The following SF3A3 variants were observed in gnomAD, a reference collection of about 807,000 sequenced individuals.
SF3A3 encodes SAP 61.
SF3A3 carries 9 observed loss-of-function variants against 85.8 expected under a neutral mutation model. The ratio of observed to expected loss-of-function variants is 0.10; its 90% CI spans 0.06 to 0.18. The LOEUF is 0.18. Ranked by LOEUF, SF3A3 falls within the 10% of genes least tolerant of loss-of-function variation. The pLI, the probability that SF3A3 is intolerant of heterozygous loss-of-function variation, is 1.00. For synonymous variants in SF3A3, 195 were observed against 204.4 expected (o/e 0.95, Z 0.39); for missense variants, 306 against 593.3 (o/e 0.52, Z 5.03).
intron 15 of SF3A3, among the ~76,000 whole-genome samples, chr1:37,965,354 G>A (rs1424034828): frequency 1.5e-4 from 4 of 26,024 alleles, no homozygotes; most frequent in African/African-American, 1.4e-3. Context: ...TAAAGCACTT[G>A]CTTTCTTTGT....
intron 12 of SF3A3, among the ~76,000 whole-genome samples, chr1:37,972,316 T>G (rs1227086443): frequency 6.6e-6 from 1 of 152,176 alleles, no homozygotes; most frequent in Admixed American, 6.5e-5. Context: ...GAAGGACCTC[T>G]TCAAGGAGAA....
intron 14 of SF3A3, 70 bp downstream of exon 14, chr1:37,969,284 C>A: frequency 8.6e-7 from 1 of 1,160,372 alleles, no homozygotes; most frequent in South Asian, 1.2e-5. Flanking sequence ...ATAGGCTGCT[C>A]CTACTCTTTT....
chr1:37,978,687 G>T, intron 11 of SF3A3, 33 bp downstream of exon 11: 1 of 1,375,816 alleles, frequency 7.3e-7, no homozygotes, highest in Non-Finnish European at 1.0e-6. Context: ...ACATTTAAAA[G>T]CCACAAGCAG....
intron 7 of SF3A3, among the ~76,000 whole-genome samples, chr1:37,981,314 G>A (rs11210825): frequency 0.35 from 52,858 of 152,034 alleles, 10,732 homozygotes; most frequent in Non-Finnish European, 0.45. Context: ...GAAAAAGAGG[G>A]GAAGGGTATA....
chr1:37,962,329 C>T (rs756971179), intron 15 of SF3A3, among the ~76,000 whole-genome samples: 20 of 123,956 alleles, frequency 1.6e-4, no homozygotes, highest in Admixed American at 2.7e-4. Flanking sequence ...AAAGGCTGGG[C>T]GCGGTGGCTC....
intron 11 of SF3A3, among the ~76,000 whole-genome samples, chr1:37,977,483 C>T (rs551446872): frequency 5.9e-5 from 9 of 151,916 alleles, no homozygotes; most frequent in Non-Finnish European, 1.3e-4. Context: ...CTGGCGATCA[C>T]TTGAGGTTGG....
chr1:37,961,112 C>T (rs1264609462), intron 15 of SF3A3, among the ~76,000 whole-genome samples: 1 of 152,124 alleles, frequency 6.6e-6, no homozygotes, highest in East Asian at 1.9e-4. Context: ...CCACCTTTCC[C>T]ATCAAGCAGA....
intron 9 of SF3A3, chr1:37,979,263 C>CATTAAGCCGTAGTAAA: frequency 1.6e-6 from 1 of 621,430 alleles, no homozygotes; most frequent in Non-Finnish European, 2.9e-6. Context: ...TACTTTACTA[C>CATTAAGCCGTAGTAAA]GGCTTAATGT....
chr1:37,975,331 C>T (rs1646372046), intron 12 of SF3A3, among the ~76,000 whole-genome samples: 1 of 152,016 alleles, frequency 6.6e-6, no homozygotes, highest in South Asian at 2.1e-4. Context: ...GCCTGGCCAA[C>T]AAGACAAAAC....
intron 15 of SF3A3, among the ~76,000 whole-genome samples, chr1:37,966,146 T>G (rs1646298232): frequency 6.6e-6 from 1 of 151,832 alleles, no homozygotes; most frequent in Admixed American, 6.6e-5. Context: ...GAGGTTGCAG[T>G]GAGCTGAGAT....
chr1:37,963,391 T>C (rs1280276750), intron 15 of SF3A3, among the ~76,000 whole-genome samples: 1 of 152,042 alleles, frequency 6.6e-6, no homozygotes, highest in Non-Finnish European at 1.5e-5. Flanking sequence ...AAATGCTATG[T>C]GGTGAACCTA....
intron 11 of SF3A3, among the ~76,000 whole-genome samples, chr1:37,978,295 C>T (rs1646393649): frequency 6.8e-6 from 1 of 146,766 alleles, no homozygotes; most frequent in Admixed American, 6.8e-5. Context: ...GCTGAGATTG[C>T]ACCACTGCAC....
chr1:37,974,772 A>G (rs1300829320), intron 12 of SF3A3, among the ~76,000 whole-genome samples: 2 of 152,208 alleles, frequency 1.3e-5, no homozygotes, highest in East Asian at 1.9e-4. Context: ...CAAATTTCCA[A>G]CATAACTCTC....
At chr1:37,986,999 C>T (rs1646462032) in intron 4 of SF3A3, among the ~76,000 whole-genome samples, 1 of 152,090 alleles carries the variant, frequency 6.6e-6, no homozygotes, top group Non-Finnish European at 1.5e-5. Context: ...TCAGAGGAGT[C>T]TCAGAGTGGA....
intron 16 of SF3A3, 34 bp downstream of exon 16, chr1:37,960,086 C>T (rs1646246878): frequency 6.3e-7 from 1 of 1,589,638 alleles, no homozygotes; most frequent in Non-Finnish European, 8.6e-7. Flanking sequence ...TATCACTTGA[C>T]ACTATCCCTA....
intron 12 of SF3A3, among the ~76,000 whole-genome samples, chr1:37,970,543 A>G (rs1309816746): frequency 1.0e-5 from 1 of 95,852 alleles, no homozygotes; most frequent in Non-Finnish European, 2.0e-5. Flanking sequence ...CCCCAAATCA[A>G]CAGAATATAC....
chr1:37,966,632 T>C (rs1334205815), intron 15 of SF3A3, among the ~76,000 whole-genome samples: 2 of 152,080 alleles, frequency 1.3e-5, no homozygotes, highest in Non-Finnish European at 2.9e-5. Flanking sequence ...GACTAATTCA[T>C]TTCTCTTAAA....
chr1:37,972,335 C>T (rs1162574394), intron 12 of SF3A3, among the ~76,000 whole-genome samples: 1 of 152,092 alleles, frequency 6.6e-6, no homozygotes, highest in Non-Finnish European at 1.5e-5. Flanking sequence ...AACTACAAAC[C>T]ACTGCTCAAC....
At chr1:37,977,954 T>C (rs752335832) in intron 11 of SF3A3, among the ~76,000 whole-genome samples, 5 of 151,898 alleles carry the variant, frequency 3.3e-5, no homozygotes, top group East Asian at 1.9e-4. Context: ...AAGGCGGAGT[T>C]TGCAGTGAGC....
Sources: allele counts gnomAD v4.1 joint callset (sites outside exome capture counted in the v4.1 genomes callset), GRCh38; gene constraint gnomAD v4.1.1; transcripts MANE v1.5; gene names NCBI Gene and HGNC (gene_info 2026-07-23, HGNC 2026-07-21).